The following MTSS1 variants were observed in gnomAD, a reference collection of about 807,000 sequenced individuals.
MTSS1 encodes the protein MTSS I-BAR domain containing 1.
Under a neutral mutation model 79.0 loss-of-function variants are expected in MTSS1, and 18 were observed. The observed-to-expected ratio is 0.23, with a 90% CI of 0.16 to 0.34. The LOEUF (loss-of-function observed/expected upper bound fraction) is 0.34. MTSS1 is among the 10% of genes least tolerant of loss of function. The pLI is 1.00. For synonymous variants in MTSS1, 341 were observed against 368.6 expected, an observed-to-expected ratio of 0.93 and a Z score of 0.86; for missense variants, 815 against 986.2, an observed-to-expected ratio of 0.83 and a Z score of 2.33.
At chr8:124,715,398 T>G (rs1420919535) in intron 1 of MTSS1, among the ~76,000 whole-genome samples, 1 of 152,248 alleles carries the variant, frequency 6.6e-6, no homozygotes. Flanking sequence ...CTTACTTTTT[T>G]TAATCCATAT....
chr8:124,632,362 G>T (rs1386000643), intron 3 of MTSS1, among the ~76,000 whole-genome samples: 1 of 147,818 alleles, frequency 6.8e-6, no homozygotes, highest in Non-Finnish European at 1.5e-5. Context: ...TAAAAAATAA[G>T]ATGAGGCTGG....
intron 3 of MTSS1, among the ~76,000 whole-genome samples, chr8:124,674,047 C>T (rs1243966432): frequency 1.3e-5 from 2 of 152,170 alleles, no homozygotes; most frequent in East Asian, 1.9e-4. Flanking sequence ...CCGGTCACCT[C>T]GGAGGGCACA....
At chr8:124,653,747 C>CAAAA (rs1820442147) in intron 3 of MTSS1, among the ~76,000 whole-genome samples, 1 of 135,794 alleles carries the variant, frequency 7.4e-6, no homozygotes, top group African/African-American at 3.1e-5. Context: ...ACAAAACAAA[C>CAAAA]ACAAAAAAAT....
At chr8:124,701,076 AT>A (rs1400516071) in intron 2 of MTSS1, among the ~76,000 whole-genome samples, 1 of 152,092 alleles carries the variant, frequency 6.6e-6, no homozygotes, top group African/African-American at 2.4e-5. Flanking sequence ...ACACAAAAAA[AT>A]TGTTTTTAAA....
intron 3 of MTSS1, among the ~76,000 whole-genome samples, chr8:124,656,700 C>A (rs1448789124): frequency 6.7e-6 from 1 of 150,088 alleles, no homozygotes; most frequent in Non-Finnish European, 1.5e-5. Context: ...ATTGCTTGAA[C>A]CCAGGTGGTA....
intron 3 of MTSS1, among the ~76,000 whole-genome samples, chr8:124,603,806 T>C (rs2133078752): frequency 6.6e-6 from 1 of 152,294 alleles, no homozygotes; most frequent in Middle Eastern, 3.4e-3. Flanking sequence ...TACCTTATGT[T>C]AGCCTTGAAA....
At chr8:124,601,062 ATTT>A (rs35966615) in intron 3 of MTSS1, among the ~76,000 whole-genome samples, 1,020 of 88,642 alleles carry the variant, frequency 0.012, 16 homozygotes, top group African/African-American at 0.037. Flanking sequence ...CTTGACTGTA[ATTT>A]TTTTTTTTTT....
At position 124,648,611 on chromosome 8, in the gene MTSS1, T is replaced by G. The variant is rs376635976; in HGVS notation, c.208+50915A>C. Reference sequence around the variant, plus strand: ...AGGCTTGGGGGTCTCCACATCAAAGTTGGTGGGAAGCACAGTGACTCCAAG... The same window carrying G: ...AGGCTTGGGGGTCTCCACATCAAAGGTGGTGGGAAGCACAGTGACTCCAAG... On this transcript the variant is annotated intron_variant, in intron 3 of 13. Transcript: ENST00000518547. Among the ~76,000 whole-genome samples the G allele has an allele frequency of 9.9e-5, 15 of 152,130 alleles. No individual in the cohort carries two copies. The East Asian group carries it at 2.5e-3, about 25-fold the overall frequency.
intron 3 of MTSS1, among the ~76,000 whole-genome samples, chr8:124,632,839 T>G (rs1587448910): frequency 1.3e-5 from 2 of 152,334 alleles, no homozygotes; most frequent in East Asian, 3.9e-4. Context: ...AGCTAATTTT[T>G]GTATTTTTAG....
chr8:124,664,526 G>A (rs1326104725), intron 3 of MTSS1, among the ~76,000 whole-genome samples: 1 of 152,138 alleles, frequency 6.6e-6, no homozygotes, highest in African/African-American at 2.4e-5. Flanking sequence ...CTCTAAAATT[G>A]AGCCCTTCAT....
chr8:124,615,817 T>C (rs1183837169), intron 3 of MTSS1, among the ~76,000 whole-genome samples: 1 of 152,328 alleles, frequency 6.6e-6, no homozygotes, highest in Non-Finnish European at 1.5e-5. Flanking sequence ...GAACAAGCAG[T>C]GCCTCCTTCC....
At chr8:124,641,884 C>T (rs1015009857) in intron 3 of MTSS1, among the ~76,000 whole-genome samples, 1 of 152,104 alleles carries the variant, frequency 6.6e-6, no homozygotes, top group Non-Finnish European at 1.5e-5. Flanking sequence ...AAAACTGGCT[C>T]ACTGGCAGAT....
chr8:124,700,397 T>C (rs1829543435), intron 2 of MTSS1, among the ~76,000 whole-genome samples: 1 of 152,146 alleles, frequency 6.6e-6, no homozygotes, highest in African/African-American at 2.4e-5. Flanking sequence ...GCCACAAACA[T>C]AGCCCTAGTT....
At chr8:124,663,817 G>C (rs757802189) in intron 3 of MTSS1, among the ~76,000 whole-genome samples, 1 of 152,116 alleles carries the variant, frequency 6.6e-6, no homozygotes, top group Non-Finnish European at 1.5e-5. Flanking sequence ...CTCAAGGAGG[G>C]CAGAGACACA....
intron 3 of MTSS1, among the ~76,000 whole-genome samples, chr8:124,595,468 C>T (rs770298075): frequency 1.3e-5 from 2 of 152,184 alleles, no homozygotes; most frequent in Non-Finnish European, 2.9e-5. Flanking sequence ...TGCCTGCACT[C>T]CTTGGCTCGT....
At chr8:124,664,764 C>T (rs4870916) in intron 3 of MTSS1, among the ~76,000 whole-genome samples, 49,089 of 152,016 alleles carry the variant, frequency 0.32, 10,994 homozygotes, top group African/African-American at 0.63. Context: ...TCCTTCTACA[C>T]AAACACTACC....
intron 10 of MTSS1, 39 bp from the exon 11 acceptor site, chr8:124,557,914 A>AATAT (rs756513457): frequency 6.7e-7 from 1 of 1,488,296 alleles, no homozygotes; most frequent in Non-Finnish European, 9.2e-7. Context: ...AAGGAAAAAA[A>AATAT]ATTAATATAA....
intron 3 of MTSS1, among the ~76,000 whole-genome samples, chr8:124,604,867 C>T (rs1183005567): frequency 6.6e-6 from 1 of 150,900 alleles, no homozygotes; most frequent in South Asian, 2.1e-4. Flanking sequence ...ACAAAACCCA[C>T]ACACAATCCT....
chr8:124,619,953 T>C (rs1464218351), intron 3 of MTSS1, among the ~76,000 whole-genome samples: 1 of 152,032 alleles, frequency 6.6e-6, no homozygotes, highest in Non-Finnish European at 1.5e-5. Flanking sequence ...TTTTCTTTTC[T>C]TTTCTTTTCT....
Sources: allele counts gnomAD v4.1 joint callset (sites outside exome capture counted in the v4.1 genomes callset), GRCh38; gene constraint gnomAD v4.1.1; transcripts MANE v1.5; gene names NCBI Gene and HGNC (gene_info 2026-07-23, HGNC 2026-07-21).